Variants in LRP8 observed in about 807,000 individuals in gnomAD.
The protein encoded by LRP8 is low-density lipoprotein receptor-related protein 8.
Under a neutral mutation model 111.6 loss-of-function variants are expected in LRP8, and 46 were observed. That is an observed-to-expected ratio of 0.41 (90% CI 0.33 to 0.53). The LOEUF (loss-of-function observed/expected upper bound fraction) is 0.53. LRP8 is among the 20% of genes least tolerant of loss of function. The pLI is 0.20. For missense variants in LRP8, 959 were observed against 1,297.4 expected, an observed-to-expected ratio of 0.74 and a Z score of 4.01; for synonymous variants, 464 against 511.2, an observed-to-expected ratio of 0.91 and a Z score of 1.24.
chr1:53,327,544 T>A, intron 1 of LRP8: 1 of 465,162 alleles, frequency 2.1e-6, no homozygotes, highest in Non-Finnish European at 3.4e-6. Flanking sequence ...AGTTCCCCGC[T>A]GGCCAAGCCC....
chr1:53,285,686 T>C (rs911930963), intron 3 of LRP8, among the ~76,000 whole-genome samples: 1 of 152,200 alleles, frequency 6.6e-6, no homozygotes, highest in African/African-American at 2.4e-5. Flanking sequence ...GCTGGGGACG[T>C]GCCTGTTGTC....
In LRP8 at chr1:53,293,178, G is replaced by A. The variant is rs1649099981; in HGVS notation, c.245-3489C>T. 6.6e-6 allele frequency among the ~76,000 whole-genome samples: 1 copy of A among 152,226 alleles called. No homozygotes were observed. Among genetic ancestry groups the A allele is most frequent in the South Asian group, 2.1e-4 (1 of 4,832 alleles). ...CCTCCCTGGGATTCTGAAAGCCTGGGGGTGATCTTGTCCTCCTCCATGTGC... is the reference window on the plus strand; with the variant it reads ...CCTCCCTGGGATTCTGAAAGCCTGGAGGTGATCTTGTCCTCCTCCATGTGC... On this transcript the variant is annotated intron_variant, in intron 2 of 18. Transcript: ENST00000306052. The surrounding 1 kb of genome is among the most constrained non-coding windows in gnomAD (Gnocchi z 4.9).
At chr1:53,295,432 C>T (rs1649521640) in intron 2 of LRP8, among the ~76,000 whole-genome samples, 1 of 152,148 alleles carries the variant, frequency 6.6e-6, no homozygotes, top group Non-Finnish European at 1.5e-5. Context: ...CCTGCAGAGG[C>T]CCAGCACAGG....
intron 2 of LRP8, among the ~76,000 whole-genome samples, chr1:53,322,889 C>T (rs1654696809): frequency 6.6e-6 from 1 of 152,142 alleles, no homozygotes; most frequent in African/African-American, 2.4e-5. Context: ...TGGCCTTGCC[C>T]AGCTAATGAA....
At chr1:53,291,483 A>G (rs957004320) in intron 2 of LRP8, among the ~76,000 whole-genome samples, 2 of 152,006 alleles carry the variant, frequency 1.3e-5, no homozygotes, top group Non-Finnish European at 2.9e-5. Flanking sequence ...CATATACTCC[A>G]TGCTTTTTAT....
intron 16 of LRP8, among the ~76,000 whole-genome samples, chr1:53,252,490 C>T (rs763205989): frequency 4.6e-5 from 7 of 152,068 alleles, no homozygotes; most frequent in Admixed American, 6.6e-5. Flanking sequence ...GAACTGTGAT[C>T]GCACCACTGC....
At position 53,250,939 on chromosome 1, in the gene LRP8, C is replaced by T. The variant is rs1424137504; in HGVS notation, c.2504-77G>A. 5.5e-6 allele frequency: 7 copies of T among 1,269,572 alleles called. No individual in the cohort carries two copies. The highest frequency in any genetic ancestry group is 7.9e-6 in the Non-Finnish European group (7 of 880,598). 78.6% of individuals were successfully genotyped at this position (1,269,572 alleles called of 1,614,324 possible). A position where few individuals can be genotyped will look rare whatever the true frequency, so the allele number is the denominator to read the frequency against. On this transcript the variant is annotated intron_variant, in intron 16 of 18. Coordinates refer to ENST00000306052, the MANE Select transcript of LRP8 (RefSeq NM_004631.5). The surrounding 1 kb of genome is among the most constrained non-coding windows in gnomAD (Gnocchi z 4.6). Reference sequence around the variant, plus strand: ...TCAGACATCTGTACAAGGCTTGTCACCACTCCACTTTTACTACCCTTTGCT... The same window carrying T: ...TCAGACATCTGTACAAGGCTTGTCATCACTCCACTTTTACTACCCTTTGCT...
intron 2 of LRP8, among the ~76,000 whole-genome samples, chr1:53,314,184 C>T (rs1267359166): frequency 2.0e-5 from 3 of 152,228 alleles, no homozygotes; most frequent in Admixed American, 6.5e-5. Flanking sequence ...TGCTGTGCCA[C>T]AGTCATTGCA....
intron 8 of LRP8, among the ~76,000 whole-genome samples, chr1:53,270,700 G>A (rs1646731898): frequency 6.6e-6 from 1 of 152,190 alleles, no homozygotes; most frequent in Non-Finnish European, 1.5e-5. Flanking sequence ...CTTTTAGCAG[G>A]CTGCCCCCAC....
At chr1:53,258,697 C>T (rs1353621557) in intron 13 of LRP8, among the ~76,000 whole-genome samples, 5 of 151,418 alleles carry the variant, frequency 3.3e-5, no homozygotes, top group Non-Finnish European at 5.9e-5. Context: ...GGTACTTTAG[C>T]GCACCTGTAA....
intron 4 of LRP8, among the ~76,000 whole-genome samples, chr1:53,277,873 T>TC (rs1389758193): frequency 1.3e-5 from 2 of 152,218 alleles, no homozygotes; most frequent in East Asian, 3.9e-4. Flanking sequence ...GGGGTGTCCC[T>TC]CCTTTGTCCT....
At position 53,271,077 on chromosome 1, in the gene LRP8, G is replaced by A. The variant is rs1485925593; in HGVS notation, c.1203C>T (p.Cys401=). ...VNYKGYFKCE[C]YPGYEMDLLT... ...GTAGGTCCATCTCGTAGCCAGGGTA[G>A]CACTCACACTTAAAATAGCCCTTGT... The change falls in exon 8 of 19, where the codon TGC becomes TGT. Residue 401 remains cysteine (C), a synonymous_variant. Transcript: ENST00000306052. The A allele has an allele frequency of 1.9e-6, 3 of 1,613,882 alleles. No individual in the cohort carries two copies. Among genetic ancestry groups the A allele is most frequent in the Non-Finnish European group, 2.5e-6 (3 of 1,180,018 alleles).
chr1:53,293,761 C>T lies in LRP8; in HGVS notation c.245-4072G>A, dbSNP rs1389871067. Among the ~76,000 whole-genome samples the T allele has an allele frequency of 6.6e-6, 1 of 152,178 alleles. No individual in the cohort carries two copies. The highest frequency in any genetic ancestry group is 1.5e-5 in the Non-Finnish European group (1 of 68,034). On this transcript the variant is annotated intron_variant, in intron 2 of 18. Transcript: ENST00000306052. The surrounding 1 kb of genome is among the most constrained non-coding windows in gnomAD (Gnocchi z 4.9). ...CAGCACTTTCAGGGTGGGGACTAGA[C>T]TAAAGCACGCTGGAGGGCCCCATTG...
chr1:53,296,835 C>T (rs1382881672), intron 2 of LRP8, among the ~76,000 whole-genome samples: 3 of 152,220 alleles, frequency 2.0e-5, no homozygotes, highest in Admixed American at 6.5e-5. Context: ...CAGGCTGTGG[C>T]GGGTCCTGGC....
In LRP8 at chr1:53,308,387, A is replaced by T. The variant is rs150947004; in HGVS notation, c.244+18486T>A. Among the ~76,000 whole-genome samples the T allele has an allele frequency of 4.3e-3, 662 of 152,304 alleles. 7 individuals are homozygous for T. The highest frequency in any genetic ancestry group is 0.015 in the African/African-American group (633 of 41,570). On this transcript the variant is annotated intron_variant, in intron 2 of 18. Transcript: ENST00000306052. Reference sequence around the variant, plus strand: ...GGAGCCCCACCTTATTCTCTAGGCCATGAGGATCCTGGGGGGTTCAGGCTA... The same window carrying T: ...GGAGCCCCACCTTATTCTCTAGGCCTTGAGGATCCTGGGGGGTTCAGGCTA...
In LRP8 at chr1:53,275,775, A is replaced by G. The variant is rs749664974; in HGVS notation, c.884-22T>C. On this transcript the variant is annotated intron_variant, in intron 5 of 18. Transcript: ENST00000306052. This position sits in a 1 kb window ranked among gnomAD's most constrained non-coding sequence, Gnocchi z 4.4. ...AGTGCTGCCAGGAGAGGGCAAGGGG[A>G]GAGGATCAGAGTCAGTGTGGTGCTA... The G allele has an allele frequency of 6.2e-7, 1 of 1,612,936 alleles. No individual in the cohort carries two copies. Among genetic ancestry groups the G allele is most frequent in the Admixed American group, 1.7e-5 (1 of 59,938 alleles).
At chr1:53,327,359 T>G in intron 1 of LRP8, 1 of 276,630 alleles carries the variant, frequency 3.6e-6, no homozygotes, top group Non-Finnish European at 6.8e-6. Context: ...CACATCACCC[T>G]GGCAGGCAGC....
chr1:53,316,321 A>G (rs1557865845), intron 2 of LRP8, among the ~76,000 whole-genome samples: 1 of 152,062 alleles, frequency 6.6e-6, no homozygotes, highest in Non-Finnish European at 1.5e-5. Flanking sequence ...GGGAATGGGG[A>G]GGGGAGGGAG....
intron 15 of LRP8, among the ~76,000 whole-genome samples, chr1:53,255,627 C>T (rs1002943807): frequency 2.6e-5 from 4 of 152,144 alleles, no homozygotes; most frequent in East Asian, 1.9e-4. Flanking sequence ...AACTGTCTGT[C>T]CATCTGCATT....
Sources: gnomAD v4.1 joint callset for allele counts (sites outside exome capture counted in the v4.1 genomes callset) on GRCh38, gnomAD v4.1.1 for gene constraint, Gnocchi (gnomAD v3.1) non-coding constraint, MANE v1.5 for transcripts, NCBI Gene and HGNC (gene_info 2026-07-23, HGNC 2026-07-21) for gene names.